Variants in RAC1 observed in about 807,000 individuals in gnomAD.
The protein encoded by RAC1 is Rac family small GTPase 1.
In RAC1, 2 loss-of-function variants were observed where a neutral mutation model predicts 25.2. That is an observed-to-expected ratio of 0.08 (90% CI 0.03 to 0.25). RAC1 has a LOEUF of 0.25. Among genes scored for constraint, RAC1 ranks in the 10% least tolerant of loss-of-function variants. The pLI is 1.00. For missense variants in RAC1, 50 were observed against 235.7 expected (o/e 0.21, Z 5.16); for synonymous variants, 88 against 94.0 (o/e 0.94, Z 0.37).
intron 2 of RAC1, among the ~76,000 whole-genome samples, chr7:6,390,312 A>G (rs749719004): frequency 6.6e-6 from 1 of 151,660 alleles, no homozygotes; most frequent in East Asian, 1.9e-4. Context: ...TGTAAATAAT[A>G]CCACCTTACC....
intron 1 of RAC1, among the ~76,000 whole-genome samples, chr7:6,385,548 C>G (rs1238526898): frequency 1.3e-5 from 2 of 152,164 alleles, no homozygotes. Flanking sequence ...AAATGTATGT[C>G]CAATGAGTCA....
At chr7:6,395,743 G>A (rs1011933793) in intron 3 of RAC1, among the ~76,000 whole-genome samples, 37 of 151,834 alleles carry the variant, frequency 2.4e-4, no homozygotes, top group African/African-American at 7.0e-4. Context: ...GTTCTCATAC[G>A]TCAGGGCTGC....
chr7:6,396,833 A>ATC (rs1783249913), intron 3 of RAC1, among the ~76,000 whole-genome samples: 1 of 152,170 alleles, frequency 6.6e-6, no homozygotes, highest in African/African-American at 2.4e-5. Flanking sequence ...GATCGAGACC[A>ATC]TCCTGGCTAA....
At chr7:6,378,154 T>C (rs1421443085) in intron 1 of RAC1, among the ~76,000 whole-genome samples, 1 of 151,656 alleles carries the variant, frequency 6.6e-6, no homozygotes, top group Non-Finnish European at 1.5e-5. Context: ...TACAGGGCTG[T>C]GTAAATAATT....
At chr7:6,398,170 G>C (rs6463554) in intron 3 of RAC1, among the ~76,000 whole-genome samples, 21,941 of 152,074 alleles carry the variant, frequency 0.14, 1,792 homozygotes, top group Admixed American at 0.22. Flanking sequence ...TGTTCTGGCA[G>C]CATTAAAACC....
intron 2 of RAC1, among the ~76,000 whole-genome samples, chr7:6,388,701 C>T (rs184844442): frequency 7.2e-4 from 109 of 152,026 alleles, no homozygotes; most frequent in African/African-American, 2.6e-3. Context: ...GGGAGATTTT[C>T]CTTATCTACA....
intron 1 of RAC1, among the ~76,000 whole-genome samples, chr7:6,378,344 G>A (rs184512519): frequency 6.6e-6 from 1 of 151,984 alleles, no homozygotes; most frequent in Non-Finnish European, 1.5e-5. Flanking sequence ...TCAGGAGCTC[G>A]AGACCAGCCT....
chr7:6,381,913 A>C (rs1782776668), intron 1 of RAC1, among the ~76,000 whole-genome samples: 1 of 151,998 alleles, frequency 6.6e-6, no homozygotes, highest in African/African-American at 2.4e-5. Flanking sequence ...CCTTCATGCG[A>C]GGTCTTTAAT....
chr7:6,384,857 A>C (rs1299345441), intron 1 of RAC1, among the ~76,000 whole-genome samples: 2 of 152,112 alleles, frequency 1.3e-5, no homozygotes, highest in East Asian at 1.9e-4. Context: ...GACTGGATGC[A>C]CTGGTGCAAT....
intron 2 of RAC1, 200 bp from the exon 3 acceptor site, chr7:6,391,724 T>G: frequency 1.7e-6 from 1 of 601,604 alleles, no homozygotes; most frequent in South Asian, 2.7e-5. Context: ...TCATTTCTCT[T>G]AAGTTTTGGG....
Position 6,375,121 on chromosome 7 carries a change from G to C in RAC1, c.35+351G>C, listed in dbSNP as rs34138490. On this transcript the variant is annotated intron_variant, in intron 1 of 5. Coordinates refer to ENST00000348035, the MANE Select transcript of RAC1 (RefSeq NM_006908.5). ...GAGATTTTGACCATTTTTCCAAAAA[G>C]GGACCCTTTATTTTTTTTGCATGAA... Among the ~76,000 whole-genome samples the C allele has an allele frequency of 9.7e-4, 143 of 146,734 alleles. 1 individual carries two copies. Among genetic ancestry groups the C allele is most frequent in the East Asian group, 1.6e-3 (8 of 4,904 alleles).
chr7:6,397,096 C>G (rs1472138164), intron 3 of RAC1, among the ~76,000 whole-genome samples: 1 of 142,818 alleles, frequency 7.0e-6, no homozygotes, highest in African/African-American at 2.6e-5. Flanking sequence ...AAAAATTTAG[C>G]TGGGCGCAGT....
chr7:6,402,515 A>ACC lies in RAC1; in HGVS notation c.*69_*70insCC, dbSNP rs1215588269. On this transcript the variant is annotated 3_prime_UTR_variant, in exon 6 of 6. Coordinates refer to ENST00000348035, the MANE Select transcript of RAC1 (RefSeq NM_006908.5). ...GTACGCTTTGCTCAAAAAAAAACAA[A>ACC]AAAAAAAAACAAAAAAAAAAAACAA... is the stretch of plus-strand genomic sequence containing the variant. The ACC allele has an allele frequency of 9.4e-7, 1 of 1,067,630 alleles. No individual in the cohort carries two copies. The highest frequency in any genetic ancestry group is 1.9e-5 in the African/African-American group (1 of 52,442). The allele number at this position is 1,067,630 out of a possible 1,614,324, so 66.1% of individuals were successfully genotyped here. A position where few individuals can be genotyped will look rare whatever the true frequency, so the allele number is the denominator to read the frequency against.
At chr7:6,384,379 A>G (rs937198753) in intron 1 of RAC1, among the ~76,000 whole-genome samples, 7 of 152,180 alleles carry the variant, frequency 4.6e-5, no homozygotes, top group African/African-American at 1.4e-4. Context: ...TCTAAAATCC[A>G]GTGCTTTCTG....
At chr7:6,390,928 G>A (rs1783075156) in intron 2 of RAC1, among the ~76,000 whole-genome samples, 1 of 151,698 alleles carries the variant, frequency 6.6e-6, no homozygotes, top group Non-Finnish European at 1.5e-5. Flanking sequence ...ACCGAGTTTC[G>A]CACTTGTTGC....
At chr7:6,401,044 C>T (rs1462799583) in intron 4 of RAC1, among the ~76,000 whole-genome samples, 1 of 152,108 alleles carries the variant, frequency 6.6e-6, no homozygotes, top group Middle Eastern at 3.2e-3. Context: ...GCAACCTCCC[C>T]CTCCCGGTTC....
intron 1 of RAC1, 111 bp from the exon 2 acceptor site, chr7:6,387,101 A>G (rs1465053457): frequency 1.5e-6 from 1 of 662,476 alleles, no homozygotes; most frequent in Admixed American, 3.0e-5. Context: ...AATGCTAAGT[A>G]TGTGATGTAT....
chr7:6,386,409 G>A (rs1000534240), intron 1 of RAC1, among the ~76,000 whole-genome samples: 5 of 152,038 alleles, frequency 3.3e-5, no homozygotes, highest in Admixed American at 3.3e-4. Context: ...GGATGTGGTG[G>A]GATTTTGAGC....
chr7:6,389,042 A>C (rs1783006686), intron 2 of RAC1, among the ~76,000 whole-genome samples: 1 of 151,922 alleles, frequency 6.6e-6, no homozygotes, highest in Non-Finnish European at 1.5e-5. Flanking sequence ...CCTCTGCTAA[A>C]AATACAGTAG....
Sources: allele counts gnomAD v4.1 joint callset (sites outside exome capture counted in the v4.1 genomes callset), GRCh38; gene constraint gnomAD v4.1.1; transcripts MANE v1.5; gene names NCBI Gene and HGNC (gene_info 2026-07-23, HGNC 2026-07-21).